TCF3: variants seen among roughly 807,000 people sequenced by gnomAD.
The protein encoded by TCF3 is transcription factor E2-alpha.
TCF3 carries 54 observed loss-of-function variants against 72.3 expected under a neutral mutation model. The observed-to-expected ratio is 0.75, with a 90% confidence interval of 0.60 to 0.94. TCF3 has a LOEUF of 0.94. TCF3 is among the 40% of genes least tolerant of loss of function. The probability of loss-of-function intolerance (pLI) is 0.00; values close to 1 mark genes in which losing one functional copy is unlikely to be tolerated. For synonymous variants in TCF3, 525 were observed against 412.6 expected (o/e 1.27, Z -3.30); for missense variants, 1,078 against 934.4 (o/e 1.15, Z -2.00).
intron 3 of TCF3, among the ~76,000 whole-genome samples, chr19:1,635,142 C>T (rs1487130886): frequency 6.6e-6 from 1 of 152,208 alleles, no homozygotes; most frequent in East Asian, 1.9e-4. Context: ...TCAGGCACAC[C>T]ACCAGGTGGT....
chr19:1,611,827 T>G lies in TCF3; in HGVS notation c.1845A>C (p.Ala615=). 1 of 1,612,096 alleles carries G rather than the reference T, an allele frequency of 6.2e-7. No homozygotes were observed. ...CCTCTTCTCGCCGTTTCAAACAGGC[T>G]GCTTTGGGATTCAGGTTCCGCTCTG... ...QVRERNLNPK[A]ACLKRREEEK... is the part of the protein sequence containing the mutation. Residue 615 remains alanine (A), a synonymous_variant, in exon 19 of 19, where the codon GCA becomes GCC. Coordinates refer to ENST00000262965, the MANE Select transcript of TCF3 (RefSeq NM_003200.5).
intron 2 of TCF3, among the ~76,000 whole-genome samples, chr19:1,649,431 G>A (rs1052041512): frequency 7.2e-5 from 11 of 152,172 alleles, no homozygotes; most frequent in African/African-American, 2.4e-4. Flanking sequence ...CTTCTTTGAG[G>A]AAGGATCTTA....
rs1434502817 is a variant in TCF3 at position 1,632,411 on chromosome 19, G to A, written c.146-6C>T. The A allele has an allele frequency of 1.9e-6, 3 of 1,588,962 alleles. No homozygotes were observed. The highest frequency in any genetic ancestry group is 2.6e-6 in the Non-Finnish European group (3 of 1,168,044). Reference sequence around the variant, plus strand: ...GCTGGGCCGGTCCTCAAGACCTGCAGGCAGGACAGAGAGAGTTATGGGTCA... The same window carrying A: ...GCTGGGCCGGTCCTCAAGACCTGCAAGCAGGACAGAGAGAGTTATGGGTCA... On this transcript the variant is annotated splice_polypyrimidine_tract_variant and splice_region_variant and intron_variant, in intron 3 of 18. Coordinates refer to ENST00000262965, the MANE Select transcript of TCF3 (RefSeq NM_003200.5).
In TCF3 at chr19:1,650,302, T is replaced by C; in HGVS notation, c.-39-15A>G. 1 of 1,499,846 alleles carries C rather than the reference T, an allele frequency of 6.7e-7. No individual in the cohort carries two copies. Among genetic ancestry groups the C allele is most frequent in the Non-Finnish European group, 9.0e-7 (1 of 1,109,432 alleles). The allele number at this position is 1,499,846 out of a possible 1,614,324, so 92.9% of individuals were successfully genotyped here. ...GCCTGGAAACCCTGCTTGGTGGATG[T>C]GGGGACAGATGGACAGGGAGAAACA... On this transcript the variant is annotated splice_polypyrimidine_tract_variant and intron_variant, in intron 1 of 18. Coordinates refer to ENST00000262965, the MANE Select transcript of TCF3 (RefSeq NM_003200.5).
At chr19:1,642,253 C>T (rs912853078) in intron 3 of TCF3, among the ~76,000 whole-genome samples, 4 of 151,594 alleles carry the variant, frequency 2.6e-5, no homozygotes, top group Non-Finnish European at 5.9e-5. Flanking sequence ...CGCACACACA[C>T]GTGCGCACAC....
chr19:1,638,951 C>T (rs914137399), intron 3 of TCF3, among the ~76,000 whole-genome samples: 4 of 152,198 alleles, frequency 2.6e-5, no homozygotes, highest in Admixed American at 2.6e-4. Context: ...TTGAAACAAG[C>T]GACTCAGGAG....
chr19:1,644,900 A>C (rs1215387839), intron 3 of TCF3, among the ~76,000 whole-genome samples: 2 of 151,978 alleles, frequency 1.3e-5, no homozygotes, highest in African/African-American at 4.8e-5. Context: ...TCCTCCAGGA[A>C]GCCCCCAGGG....
intron 16 of TCF3, among the ~76,000 whole-genome samples, chr19:1,617,283 C>A (rs1162317088): frequency 6.6e-6 from 1 of 152,228 alleles, no homozygotes; most frequent in African/African-American, 2.4e-5. Flanking sequence ...AGCCCCACGC[C>A]CGGGCCAGGG....
rs888258889 is a variant in TCF3, at chr19:1,610,220, G to A, written c.*1487C>T. ...ACCCTGCTGGTTCTGCAGCAGGGTCGGACGCACAGCCCAAGGCCTTCGTGG... is the reference window on the plus strand; with the variant it reads ...ACCCTGCTGGTTCTGCAGCAGGGTCAGACGCACAGCCCAAGGCCTTCGTGG... On this transcript the variant is annotated 3_prime_UTR_variant, in exon 19 of 19. Coordinates refer to ENST00000262965, the MANE Select transcript of TCF3 (RefSeq NM_003200.5). 7 of 231,996 alleles carry A rather than the reference G, an allele frequency of 3.0e-5. No individual in the cohort carries two copies. The highest frequency in any genetic ancestry group is 5.1e-5 in the Non-Finnish European group (6 of 117,380). 14.4% of individuals were successfully genotyped at this position (231,996 alleles called of 1,614,324 possible). A position where few individuals can be genotyped will look rare whatever the true frequency, so the allele number is the denominator to read the frequency against.
rs147133056 is a variant in TCF3 at position 1,650,227 on chromosome 19, C to T, written c.22G>A (p.Ala8Thr). The T allele has an allele frequency of 4.5e-6, 7 of 1,569,912 alleles. No individual in the cohort carries two copies. Among genetic ancestry groups the T allele is most frequent in the Non-Finnish European group, 6.0e-6 (7 of 1,158,622 alleles). Reference sequence around the variant, plus strand: ...AGCTCCTTGTCTGTGCCCACAGGCGCCATCCTCTGCGGCTGGTTCATTCTC... The same window carrying T: ...AGCTCCTTGTCTGTGCCCACAGGCGTCATCCTCTGCGGCTGGTTCATTCTC... MNQPQRMAPVGTDKELSD... is the reference protein window; with the variant it reads MNQPQRMTPVGTDKELSD... The change falls in exon 2 of 19, where the codon GCG becomes ACG. Residue 8 changes from alanine to threonine, a missense_variant. Physicochemically the swap from Ala to Thr is moderately conservative, Grantham distance 58. Coordinates refer to ENST00000262965, the MANE Select transcript of TCF3 (RefSeq NM_003200.5).
rs753558041 is a variant in TCF3, at chr19:1,622,059, G to A, written c.817C>T (p.Arg273Cys). 3.9e-5 allele frequency: 63 copies of A among 1,595,404 alleles called. No homozygotes were observed. Among genetic ancestry groups the A allele is most frequent in the Non-Finnish European group, 4.8e-5 (56 of 1,172,034 alleles). The change falls in exon 10 of 19, where the codon CGT becomes TGT. Residue 273 changes from arginine to cysteine, a missense_variant. Arg to Cys is a radical substitution (Grantham distance 180). Coordinates refer to ENST00000262965, the MANE Select transcript of TCF3 (RefSeq NM_003200.5). ...STFGGLHQHE[R>C]MGYQLHGAEV... ...CCCCCTGCCCTGGGTCCTACCATAC[G>A]CTCGTGCTGGTGCAGGCCACCAAAC...
intron 13 of TCF3, 72 bp from the exon 14 acceptor site, chr19:1,619,925 GGA>G: frequency 3.0e-6 from 4 of 1,337,624 alleles, no homozygotes; most frequent in Non-Finnish European, 3.1e-6. Context: ...CCATGGGGAG[GGA>G]TTCATGAACC....
intron 5 of TCF3, among the ~76,000 whole-genome samples, chr19:1,631,282 T>C (rs1484793641): frequency 6.6e-6 from 1 of 151,838 alleles, no homozygotes; most frequent in Non-Finnish European, 1.5e-5. Flanking sequence ...TCTTTTTTTT[T>C]TTTTAAGATG....
chr19:1,627,773 C>CG (rs1555743541), intron 5 of TCF3, among the ~76,000 whole-genome samples: 128 of 141,274 alleles, frequency 9.1e-4, no homozygotes, highest in African/African-American at 2.9e-3. Flanking sequence ...GCAGAGCTCA[C>CG]GGGGTGAGGT....
intron 3 of TCF3, among the ~76,000 whole-genome samples, chr19:1,635,536 G>A (rs1195625429): frequency 6.6e-6 from 1 of 151,900 alleles, no homozygotes; most frequent in East Asian, 1.9e-4. Flanking sequence ...CCCAGCCTGG[G>A]ACCCCTCTTT....
chr19:1,644,335 G>C (rs1036764955), intron 3 of TCF3, among the ~76,000 whole-genome samples: 2 of 152,178 alleles, frequency 1.3e-5, no homozygotes, highest in African/African-American at 4.8e-5. Context: ...AGGCCTTGGA[G>C]CTCTGCATCC....
rs746507697 is a variant in TCF3, at chr19:1,650,288, C to G, written c.-39-1G>C. ...GGCGGGCACCTCAGGCCTGGAAACC[C>G]TGCTTGGTGGATGTGGGGACAGATG... On this transcript the variant is annotated splice_acceptor_variant, in intron 1 of 18. Coordinates refer to ENST00000262965, the MANE Select transcript of TCF3 (RefSeq NM_003200.5). LOFTEE classifies it low-confidence loss of function (5UTR_SPLICE). The G allele has an allele frequency of 6.5e-7, 1 of 1,538,734 alleles. No individual in the cohort carries two copies. Among genetic ancestry groups the G allele is most frequent in the Non-Finnish European group, 8.8e-7 (1 of 1,141,226 alleles).
rs1049250927 is a variant in TCF3 at position 1,614,954 on chromosome 19, A to G, written c.1822+331T>C. Among the ~76,000 whole-genome samples, 1 of 152,046 alleles carries G rather than the reference A, an allele frequency of 6.6e-6. No homozygotes were observed. Among genetic ancestry groups the G allele is most frequent in the Non-Finnish European group, 1.5e-5 (1 of 68,024 alleles). ...TGAGCTGGGTTCTGGGCTTCCCAAG[A>G]AAGGAGGACCACGGCGAGTGGGAGC... On this transcript the variant is annotated intron_variant, in intron 18 of 18. Transcript: ENST00000262965. This position sits in a 1 kb window ranked among gnomAD's most constrained non-coding sequence, Gnocchi z 5.6.
intron 3 of TCF3, among the ~76,000 whole-genome samples, chr19:1,636,075 GC>G (rs948128157): frequency 1.3e-5 from 2 of 152,236 alleles, no homozygotes; most frequent in African/African-American, 4.8e-5. Context: ...CCCATTCCCA[GC>G]CCCTCTGGGG....
Sources: allele counts gnomAD v4.1 joint callset (sites outside exome capture counted in the v4.1 genomes callset), GRCh38; gene constraint gnomAD v4.1.1; non-coding constraint Gnocchi (gnomAD v3.1); transcripts MANE v1.5; gene names NCBI Gene and HGNC (gene_info 2026-07-23, HGNC 2026-07-21).